RABGAP1L: variants seen among roughly 807,000 people sequenced by gnomAD.
The protein encoded by RABGAP1L is RAB GTPase activating protein 1 like, also known as rab GTPase-activating protein 1-like.
In RABGAP1L, 63 loss-of-function variants were observed where a neutral mutation model predicts 137.7. The observed-to-expected ratio is 0.46, with a 90% confidence interval of 0.37 to 0.56. The LOEUF is 0.56. Among genes scored for constraint, RABGAP1L ranks in the 20% least tolerant of loss-of-function variants. The probability of loss-of-function intolerance (pLI) is 0.00; values close to 1 mark genes in which losing one functional copy is unlikely to be tolerated. For missense variants in RABGAP1L, 1,095 were observed against 1,244.0 expected (o/e 0.88, Z 1.80); for synonymous variants, 431 against 433.7 (o/e 0.99, Z 0.08).
intron 19 of RABGAP1L, among the ~76,000 whole-genome samples, chr1:174,834,606 C>A (rs928214260): frequency 6.8e-6 from 1 of 147,580 alleles, no homozygotes; most frequent in Non-Finnish European, 1.5e-5. Context: ...CATCCCCGCC[C>A]CCCCCGCCGC....
At chr1:174,647,060 A>G (rs1168262626) in intron 14 of RABGAP1L, among the ~76,000 whole-genome samples, 1 of 152,148 alleles carries the variant, frequency 6.6e-6, no homozygotes. Context: ...TTGATTTTGT[A>G]TCCTGAGACT....
chr1:174,166,996 C>T (rs1311551679), intron 1 of RABGAP1L, among the ~76,000 whole-genome samples: 1 of 152,184 alleles, frequency 6.6e-6, no homozygotes, highest in East Asian at 1.9e-4. Context: ...TGAATTGTGT[C>T]ATTGCCACAC....
intron 19 of RABGAP1L, among the ~76,000 whole-genome samples, chr1:174,854,603 T>C (rs1373909855): frequency 6.6e-6 from 1 of 151,070 alleles, no homozygotes; most frequent in East Asian, 1.9e-4. Context: ...ATTAGACCCT[T>C]AAGGGCCTAA....
chr1:174,932,306 C>A (rs1011376917), intron 19 of RABGAP1L, among the ~76,000 whole-genome samples: 1 of 151,162 alleles, frequency 6.6e-6, no homozygotes, highest in Admixed American at 6.6e-5. Context: ...TTAACTCTCT[C>A]CTTAGTCACC....
At chr1:174,498,104 C>A (rs1660907395) in intron 13 of RABGAP1L, among the ~76,000 whole-genome samples, 1 of 151,920 alleles carries the variant, frequency 6.6e-6, no homozygotes, top group African/African-American at 2.4e-5. Context: ...AAGATAATAT[C>A]ATTTAGGCCT....
chr1:174,534,799 A>T lies in RABGAP1L; in HGVS notation c.1711-102576A>T, dbSNP rs150622434. 1.4e-3 allele frequency among the ~76,000 whole-genome samples: 196 copies of T among 142,190 alleles called. 1 individual carries two copies. Among genetic ancestry groups the T allele is most frequent in the African/African-American group, 4.6e-3 (179 of 39,080 alleles). 93.3% of individuals were successfully genotyped at this position (142,190 alleles called of 152,430 possible). A position where few individuals can be genotyped will look rare whatever the true frequency, so the allele number is the denominator to read the frequency against. Reference sequence around the variant, plus strand: ...CCAAAAAAAAAAAAAAAAAAAAAAAAAAAAATAATTAGAATAGTATGCCAG... The same window carrying T: ...CCAAAAAAAAAAAAAAAAAAAAAAATAAAAATAATTAGAATAGTATGCCAG... On this transcript the variant is annotated intron_variant, in intron 13 of 25. Transcript: ENST00000681986.
chr1:174,345,309 T>G (rs1682338339), intron 11 of RABGAP1L, among the ~76,000 whole-genome samples: 1 of 152,196 alleles, frequency 6.6e-6, no homozygotes, highest in Non-Finnish European at 1.5e-5. Context: ...GGATTGTTTT[T>G]TCTATTTCTG....
chr1:174,640,959 T>C (rs1157804552), intron 14 of RABGAP1L, among the ~76,000 whole-genome samples: 1 of 131,000 alleles, frequency 7.6e-6, no homozygotes, highest in African/African-American at 3.0e-5. Context: ...TATAATATAT[T>C]ATATTTAATT....
intron 7 of RABGAP1L, 25 bp from the exon 8 acceptor site, chr1:174,272,389 C>T (rs764662493): frequency 1.9e-6 from 3 of 1,599,482 alleles, no homozygotes; most frequent in East Asian, 4.5e-5. Context: ...CCTTATTTCT[C>T]CTTTTTTTCC....
chr1:174,961,896 C>T (rs1370060895), intron 20 of RABGAP1L, among the ~76,000 whole-genome samples: 1 of 150,160 alleles, frequency 6.7e-6, no homozygotes, highest in Non-Finnish European at 1.5e-5. Context: ...GCAGCTCACG[C>T]CTGTAATCCC....
At position 174,539,416 on chromosome 1, in the gene RABGAP1L, A is replaced by G. The variant is rs921804049; in HGVS notation, c.1711-97959A>G. Among the ~76,000 whole-genome samples, 2 of 151,994 alleles carry G rather than the reference A, an allele frequency of 1.3e-5. 1 individual carries two copies. Among genetic ancestry groups the G allele is most frequent in the Admixed American group, 1.3e-4 (2 of 15,250 alleles). On this transcript the variant is annotated intron_variant, in intron 13 of 25. Transcript: ENST00000681986. ...CATTAACTTGTCATTTACATTAGGT[A>G]TATCTCCTAATGCTATCCCTTCCCT...
chr1:174,535,450 G>A (rs1190373188), intron 13 of RABGAP1L, among the ~76,000 whole-genome samples: 1 of 152,114 alleles, frequency 6.6e-6, no homozygotes, highest in African/African-American at 2.4e-5. Context: ...GTCAGTGAGT[G>A]ATTTGCCAGG....
intron 19 of RABGAP1L, among the ~76,000 whole-genome samples, chr1:174,889,579 C>T (rs1235403527): frequency 6.6e-6 from 1 of 152,012 alleles, no homozygotes; most frequent in African/African-American, 2.4e-5. Context: ...TGTCACCATA[C>T]CTGGCTAATT....
chr1:174,635,359 A>G (rs1673913908), intron 13 of RABGAP1L, among the ~76,000 whole-genome samples: 1 of 152,222 alleles, frequency 6.6e-6, no homozygotes. Flanking sequence ...CAGGTAGTTT[A>G]TAAGTGGAAA....
intron 7 of RABGAP1L, among the ~76,000 whole-genome samples, chr1:174,259,424 C>G (rs971062947): frequency 6.6e-6 from 1 of 152,110 alleles, no homozygotes; most frequent in African/African-American, 2.4e-5. Flanking sequence ...CATAACTTGA[C>G]CAAGGCTATA....
intron 11 of RABGAP1L, among the ~76,000 whole-genome samples, chr1:174,363,744 T>A (rs1684338476): frequency 6.6e-6 from 1 of 152,084 alleles, no homozygotes; most frequent in Admixed American, 6.6e-5. Flanking sequence ...TTTTGAGGGT[T>A]TTTATTATGA....
At chr1:174,790,534 G>A (rs976004337) in intron 18 of RABGAP1L, among the ~76,000 whole-genome samples, 5 of 151,570 alleles carry the variant, frequency 3.3e-5, no homozygotes, top group African/African-American at 9.7e-5. Context: ...CTCAGTAGGC[G>A]GAGTCAGGAG....
intron 19 of RABGAP1L, among the ~76,000 whole-genome samples, chr1:174,925,431 G>A (rs1476742637): frequency 6.6e-6 from 1 of 150,438 alleles, no homozygotes; most frequent in African/African-American, 2.4e-5. Flanking sequence ...CTTGGCAGGA[G>A]CATGTCTGGT....
chr1:174,829,997 A>G (rs1379119554), intron 19 of RABGAP1L, among the ~76,000 whole-genome samples: 2 of 148,072 alleles, frequency 1.4e-5, no homozygotes, highest in African/African-American at 4.9e-5. Flanking sequence ...TGAGTTGGCT[A>G]GGTGGTTCTT....
Sources: gnomAD v4.1 joint callset for allele counts (sites outside exome capture counted in the v4.1 genomes callset) on GRCh38, gnomAD v4.1.1 for gene constraint, MANE v1.5 for transcripts, NCBI Gene and HGNC (gene_info 2026-07-23, HGNC 2026-07-21) for gene names.